The following RBFOX3 variants were observed in gnomAD, a reference collection of about 807,000 sequenced individuals.
The protein encoded by RBFOX3 is RNA binding fox-1 homolog 3.
In RBFOX3, 17 loss-of-function variants were observed where a neutral mutation model predicts 48.7. That is an observed-to-expected ratio of 0.35 (90% CI 0.24 to 0.52). RBFOX3 has a LOEUF of 0.52. RBFOX3 is among the 20% of genes least tolerant of loss of function. The pLI is 0.94. For synonymous variants in RBFOX3, 212 were observed against 209.5 expected (o/e 1.01, Z -0.10); for missense variants, 382 against 497.5 (o/e 0.77, Z 2.21).
At chr17:79,197,262 C>G (rs2055804225) in intron 4 of RBFOX3, among the ~76,000 whole-genome samples, 1 of 110,962 alleles carries the variant, frequency 9.0e-6, no homozygotes, top group African/African-American at 3.7e-5. Context: ...CTCTGTGTCT[C>G]CCGCTACATC....
chr17:79,156,096 G>A (rs1483904764), intron 4 of RBFOX3, among the ~76,000 whole-genome samples: 1 of 152,224 alleles, frequency 6.6e-6, no homozygotes, highest in Non-Finnish European at 1.5e-5. Context: ...TTGTTCTGGG[G>A]ACTGACACAC....
In RBFOX3 at chr17:79,361,666, C is replaced by A. The variant is rs575599130; in HGVS notation, c.-174-53842G>T. On this transcript the variant is annotated intron_variant, in intron 2 of 14. Transcript: ENST00000693108. This position sits in a 1 kb window ranked among gnomAD's most constrained non-coding sequence, Gnocchi z 4.5. ...CCCTCTCTTTCACTCTGCCCTCAAA[C>A]AGCATTTCACTCCATCATTCATTTC... 2.6e-5 allele frequency among the ~76,000 whole-genome samples: 4 copies of A among 152,230 alleles called. No individual in the cohort carries two copies. The highest frequency in any genetic ancestry group is 5.9e-5 in the Non-Finnish European group (4 of 68,042).
chr17:79,601,261 G>T (rs1005338409), intron 1 of RBFOX3: 1 of 152,244 alleles, frequency 6.6e-6, no homozygotes, highest in Non-Finnish European at 1.5e-5. Context: ...CGCTGCGGGG[G>T]ATACTGATTC....
intron 1 of RBFOX3, among the ~76,000 whole-genome samples, chr17:79,552,610 T>C (rs2091260972): frequency 6.6e-6 from 1 of 152,162 alleles, no homozygotes; most frequent in South Asian, 2.1e-4. Context: ...AGTCAGCAAA[T>C]ATTTCTTGAA....
Position 79,243,061 on chromosome 17 carries a change from G to T in RBFOX3, c.-73-7256C>A, listed in dbSNP as rs949827196. The stretch of plus-strand genomic sequence containing the variant: ...GTTTTTCTGGGGTTATGCCATTGAT[G>T]ATGTCATTTCAGCTTTACAACCACC... On this transcript the variant is annotated intron_variant, in intron 3 of 14. Transcript: ENST00000693108. This position sits in a 1 kb window ranked among gnomAD's most constrained non-coding sequence, Gnocchi z 7.9. Among the ~76,000 whole-genome samples, 3 of 152,106 alleles carry T rather than the reference G, an allele frequency of 2.0e-5. No individual in the cohort carries two copies. The highest frequency in any genetic ancestry group is 4.4e-5 in the Non-Finnish European group (3 of 68,014).
chr17:79,458,894 T>C (rs1176483107), intron 2 of RBFOX3, among the ~76,000 whole-genome samples: 2 of 152,112 alleles, frequency 1.3e-5, no homozygotes, highest in Non-Finnish European at 2.9e-5. Context: ...CGGGTACTGT[T>C]CCCTCTCTCT....
chr17:79,185,272 G>A (rs2053167061), intron 4 of RBFOX3, among the ~76,000 whole-genome samples: 1 of 152,214 alleles, frequency 6.6e-6, no homozygotes, highest in South Asian at 2.1e-4. Context: ...GACAAGGATA[G>A]GGGGCTGGTC....
In RBFOX3 at chr17:79,482,226, A is replaced by C. The variant is rs1244894729; in HGVS notation, c.-175+228T>G. ...GCCAGGCTGATGGGCTTCGAGGTAC[A>C]AAGAGCGGTCACTCCTTAAAAATTC... On this transcript the variant is annotated intron_variant, in intron 2 of 14. Transcript: ENST00000693108. This position sits in a 1 kb window ranked among gnomAD's most constrained non-coding sequence, Gnocchi z 4.1. Among the ~76,000 whole-genome samples the C allele has an allele frequency of 6.6e-6, 1 of 151,926 alleles. No individual in the cohort carries two copies. Among genetic ancestry groups the C allele is most frequent in the Non-Finnish European group, 1.5e-5 (1 of 67,982 alleles).
chr17:79,534,371 A>G (rs1422765319), intron 1 of RBFOX3, among the ~76,000 whole-genome samples: 3 of 152,212 alleles, frequency 2.0e-5, no homozygotes, highest in African/African-American at 7.2e-5. Flanking sequence ...TTGTCAAGCC[A>G]TTCCCCGGCG....
At chr17:79,258,909 G>A (rs2065294563) in intron 3 of RBFOX3, among the ~76,000 whole-genome samples, 1 of 152,202 alleles carries the variant, frequency 6.6e-6, no homozygotes, top group African/African-American at 2.4e-5. Flanking sequence ...ATGCCATGTC[G>A]AAAGGCGCCG....
chr17:79,228,994 G>A (rs141758380), intron 4 of RBFOX3, among the ~76,000 whole-genome samples: 1,720 of 150,838 alleles, frequency 0.011, 26 homozygotes, highest in African/African-American at 0.038. Context: ...TTGGGAGGCC[G>A]AGATGGGCGG....
intron 4 of RBFOX3, among the ~76,000 whole-genome samples, chr17:79,137,318 T>C (rs2040450913): frequency 6.6e-6 from 1 of 151,838 alleles, no homozygotes; most frequent in South Asian, 2.1e-4. Context: ...CACACACACA[T>C]TCCCAGTGCA....
At chr17:79,257,907 A>G (rs1408372786) in intron 3 of RBFOX3, among the ~76,000 whole-genome samples, 1 of 152,056 alleles carries the variant, frequency 6.6e-6, no homozygotes, top group Non-Finnish European at 1.5e-5. Flanking sequence ...TTTGGGAAAA[A>G]AAAATAAAAA....
chr17:79,372,323 T>TC (rs1479246780), intron 2 of RBFOX3, among the ~76,000 whole-genome samples: 1 of 67,124 alleles, frequency 1.5e-5, no homozygotes, highest in East Asian at 5.3e-4. Context: ...CCCTGTCAAA[T>TC]CCCCCCCATC....
upstream of RBFOX3, among the ~76,000 whole-genome samples, chr17:79,615,300 A>G (rs2093989514): frequency 1.3e-5 from 2 of 152,122 alleles, no homozygotes; most frequent in Admixed American, 1.3e-4. Context: ...TATTTCCCAC[A>G]CACCATCTCT....
At chr17:79,478,442 T>C (rs1185646411) in intron 2 of RBFOX3, among the ~76,000 whole-genome samples, 5 of 152,236 alleles carry the variant, frequency 3.3e-5, no homozygotes, top group African/African-American at 1.2e-4. Flanking sequence ...CCCCATGGCA[T>C]GCGCGGCAGC....
intron 3 of RBFOX3, among the ~76,000 whole-genome samples, chr17:79,291,763 C>T (rs2073308850): frequency 6.6e-6 from 1 of 152,202 alleles, no homozygotes; most frequent in South Asian, 2.1e-4. Flanking sequence ...CACAGCCCCT[C>T]TCCCCTGGCA....
chr17:79,500,814 G>A (rs1325850759), intron 1 of RBFOX3, among the ~76,000 whole-genome samples: 1 of 152,174 alleles, frequency 6.6e-6, no homozygotes, highest in Non-Finnish European at 1.5e-5. Context: ...GTGAAGCCCA[G>A]GAAGAATGAC....
intron 3 of RBFOX3, among the ~76,000 whole-genome samples, chr17:79,247,473 G>A (rs2063340958): frequency 6.6e-6 from 1 of 151,862 alleles, no homozygotes; most frequent in African/African-American, 2.4e-5. Context: ...CACCAAGCCT[G>A]GGTAATTTTT....
Sources: allele counts gnomAD v4.1 joint callset (sites outside exome capture counted in the v4.1 genomes callset), GRCh38; gene constraint gnomAD v4.1.1; non-coding constraint Gnocchi (gnomAD v3.1); transcripts MANE v1.5; gene names NCBI Gene and HGNC (gene_info 2026-07-23, HGNC 2026-07-21).